Variants in CAAP1 observed in about 807,000 individuals in gnomAD.
CAAP1 encodes the protein caspase activity and apoptosis inhibitor 1, also known as conserved anti-apoptotic protein.
A neutral mutation model predicts 34.0 loss-of-function variants in CAAP1; 20 were observed. The ratio of observed to expected loss-of-function variants is 0.59; its 90% CI spans 0.41 to 0.86. CAAP1 has a LOEUF of 0.86. Ranked by LOEUF, CAAP1 falls within the 40% of genes least tolerant of loss-of-function variation. The pLI is 0.00. For synonymous variants in CAAP1, 213 were observed against 166.7 expected (o/e 1.28, Z -2.14); for missense variants, 538 against 450.5 (o/e 1.19, Z -1.76).
At chr9:26,881,152 T>C (rs1213700291) in intron 4 of CAAP1, among the ~76,000 whole-genome samples, 1 of 152,142 alleles carries the variant, frequency 6.6e-6, no homozygotes, top group African/African-American at 2.4e-5. Flanking sequence ...AATTTAATTT[T>C]TTGTAGAGAC....
At chr9:26,864,578 G>T (rs778822371) in intron 4 of CAAP1, among the ~76,000 whole-genome samples, 25 of 152,084 alleles carry the variant, frequency 1.6e-4, no homozygotes, top group Non-Finnish European at 3.2e-4. Context: ...GATTCTCTAA[G>T]GCTTCATTGT....
chr9:26,842,249 AATG>A lies in CAAP1; in HGVS notation c.*49_*51del. The A allele has an allele frequency of 7.2e-7, 1 of 1,382,006 alleles. No individual in the cohort carries two copies. Among genetic ancestry groups the A allele is most frequent in the Non-Finnish European group, 9.8e-7 (1 of 1,019,304 alleles). 85.6% of individuals were successfully genotyped at this position (1,382,006 alleles called of 1,614,324 possible). A position where few individuals can be genotyped will look rare whatever the true frequency, so the allele number is the denominator to read the frequency against. ...CAAATAAATTTTAGATACAAAATTA[AATG>A]ATGTGGCTTTGTTCAAACATACCTA... is the stretch of plus-strand genomic sequence containing the variant. On this transcript the variant is annotated 3_prime_UTR_variant, in exon 6 of 6. Transcript: ENST00000333916.
In CAAP1 at chr9:26,861,128, C is replaced by CA; in HGVS notation, c.676dup (p.Cys226LeufsTer12). The CA allele has an allele frequency of 6.2e-7, 1 of 1,609,054 alleles. No homozygotes were observed. Among genetic ancestry groups the CA allele is most frequent in the Non-Finnish European group, 8.5e-7 (1 of 1,176,142 alleles). On this transcript the variant is annotated frameshift_variant, in exon 5 of 6. Transcript: ENST00000333916. LOFTEE classifies it high-confidence loss of function. ...TCTCACGGATGAAGCAGAATCTATA[C>CA]AGATGTCTTGCCTGGGAAATGAAAA...
intron 5 of CAAP1, among the ~76,000 whole-genome samples, chr9:26,856,791 C>T (rs1377281187): frequency 2.0e-5 from 3 of 152,162 alleles, no homozygotes; most frequent in African/African-American, 4.8e-5. Flanking sequence ...AAATATTTTA[C>T]AGCAACTATA....
chr9:26,842,585 C>T lies in CAAP1; in HGVS notation c.802G>A (p.Gly268Ser). The change falls in exon 6 of 6, where the codon GGC becomes AGC. Residue 268 changes from glycine (G) to serine (S), a missense_variant. Around this residue, in one of 3 missense-constraint regions of CAAP1, gnomAD observed 514 missense variants for 408.4 expected, o/e 1.26. Coordinates refer to ENST00000333916, the MANE Select transcript of CAAP1 (RefSeq NM_024828.4). ...NADAYDSDIE[G>S]PCNEEAAAPE... ...GCAGCTGCTTCTTCGTTGCATGGGC[C>T]TTCTATGTCGCTGTCATAAGCATCT... 6.2e-7 allele frequency: 1 copy of T among 1,614,180 alleles called. No individual in the cohort carries two copies. Among genetic ancestry groups the T allele is most frequent in the East Asian group, 2.2e-5 (1 of 44,876 alleles).
chr9:26,884,380 T>G (rs149197561), intron 4 of CAAP1, among the ~76,000 whole-genome samples: 14 of 152,320 alleles, frequency 9.2e-5, no homozygotes, highest in African/African-American at 3.4e-4. Context: ...TGAACATAAC[T>G]ATCTCTTCTG....
chr9:26,883,587 C>A (rs1194320727), intron 4 of CAAP1, among the ~76,000 whole-genome samples: 1 of 151,968 alleles, frequency 6.6e-6, no homozygotes, highest in Non-Finnish European at 1.5e-5. Context: ...AGCCTAATGG[C>A]ACCTCAAAAA....
At chr9:26,868,960 TA>T (rs1352696388) in intron 4 of CAAP1, among the ~76,000 whole-genome samples, 1 of 152,220 alleles carries the variant, frequency 6.6e-6, no homozygotes, top group East Asian at 1.9e-4. Context: ...TATCACATAT[TA>T]GAGAATTATT....
intron 5 of CAAP1, among the ~76,000 whole-genome samples, chr9:26,860,494 T>A (rs1822977568): frequency 6.6e-6 from 1 of 152,242 alleles, no homozygotes. Context: ...GCTGATGATA[T>A]ATAAATTACT....
At chr9:26,870,486 C>A (rs1421476997) in intron 4 of CAAP1, among the ~76,000 whole-genome samples, 3 of 150,320 alleles carry the variant, frequency 2.0e-5, no homozygotes, top group Non-Finnish European at 4.4e-5. Context: ...AATCACAGGT[C>A]AATTTCCTAA....
chr9:26,847,736 T>A (rs1822652025), intron 5 of CAAP1, among the ~76,000 whole-genome samples: 1 of 152,180 alleles, frequency 6.6e-6, no homozygotes, highest in African/African-American at 2.4e-5. Flanking sequence ...TTATGGTGTT[T>A]TTTTTTCTCA....
intron 1 of CAAP1, among the ~76,000 whole-genome samples, chr9:26,887,943 C>G (rs1035005576): frequency 6.6e-6 from 1 of 152,024 alleles, no homozygotes; most frequent in African/African-American, 2.4e-5. Flanking sequence ...ACATACGTAC[C>G]AGGAGCTATC....
Position 26,892,137 on chromosome 9 carries a change from G to A in CAAP1, c.303+276C>T, listed in dbSNP as rs186319170. On this transcript the variant is annotated intron_variant, in intron 1 of 5. Coordinates refer to ENST00000333916, the MANE Select transcript of CAAP1 (RefSeq NM_024828.4). ...GCTTCCAACTCGTATTCTTCCGGCAGAGTGAAACCATAGGAGTGGAAGGAG... is the reference window on the plus strand; with the variant it reads ...GCTTCCAACTCGTATTCTTCCGGCAAAGTGAAACCATAGGAGTGGAAGGAG... 5,338 of 767,228 alleles carry A rather than the reference G, an allele frequency of 7.0e-3. 41 individuals are homozygous for A. Among genetic ancestry groups the A allele is most frequent in the Non-Finnish European group, 9.2e-3 (4,752 of 515,470 alleles). 47.5% of individuals were successfully genotyped at this position (767,228 alleles called of 1,614,324 possible).
chr9:26,847,392 T>C (rs1394511216), intron 5 of CAAP1, among the ~76,000 whole-genome samples: 1 of 151,632 alleles, frequency 6.6e-6, no homozygotes, highest in African/African-American at 2.4e-5. Flanking sequence ...TTTTTTGTAC[T>C]TTTGGTAGAG....
chr9:26,867,060 G>C (rs1245595031), intron 4 of CAAP1, among the ~76,000 whole-genome samples: 1 of 152,150 alleles, frequency 6.6e-6, no homozygotes. Flanking sequence ...ATTGTGAACT[G>C]CACATGCAAG....
chr9:26,870,469 T>A (rs1439628633), intron 4 of CAAP1, among the ~76,000 whole-genome samples: 1 of 151,102 alleles, frequency 6.6e-6, no homozygotes, highest in African/African-American at 2.4e-5. Flanking sequence ...GTTATCTAAG[T>A]TGTCTGAATC....
At chr9:26,876,627 A>G (rs1823439329) in intron 4 of CAAP1, among the ~76,000 whole-genome samples, 1 of 152,122 alleles carries the variant, frequency 6.6e-6, no homozygotes, top group Non-Finnish European at 1.5e-5. Context: ...CTGTACCACA[A>G]TTGTCTACAG....
intron 4 of CAAP1, among the ~76,000 whole-genome samples, chr9:26,867,047 C>A (rs1449958285): frequency 1.3e-5 from 2 of 152,106 alleles, no homozygotes; most frequent in South Asian, 4.1e-4. Flanking sequence ...GAATGTGAAC[C>A]CTATTGTGAA....
intron 4 of CAAP1, among the ~76,000 whole-genome samples, chr9:26,869,320 A>G (rs1823216233): frequency 6.6e-6 from 1 of 152,162 alleles, no homozygotes; most frequent in Non-Finnish European, 1.5e-5. Flanking sequence ...TTAAAGTAAA[A>G]TATGTAAATC....
Sources: gnomAD v4.1 joint callset for allele counts (sites outside exome capture counted in the v4.1 genomes callset) on GRCh38, gnomAD v4.1.1 for gene constraint, gnomAD v4.1.1 regional missense constraint, MANE v1.5 for transcripts, NCBI Gene and HGNC (gene_info 2026-07-23, HGNC 2026-07-21) for gene names.